The following SORCS2 variants were observed in gnomAD, a reference collection of about 807,000 sequenced individuals.
The protein encoded by SORCS2 is VPS10 domain-containing receptor SorCS2.
A neutral mutation model predicts 141.6 loss-of-function variants in SORCS2; 100 were observed. The observed-to-expected ratio is 0.71, with a 90% CI of 0.60 to 0.83. SORCS2 has a LOEUF of 0.83. Among genes scored for constraint, SORCS2 ranks in the 40% least tolerant of loss-of-function variants. The pLI is 0.00. For missense variants in SORCS2, 1,646 were observed against 1,560.2 expected (o/e 1.05, Z -0.93); for synonymous variants, 789 against 676.9 (o/e 1.17, Z -2.57).
chr4:7,460,366 G>A (rs1486256463), intron 2 of SORCS2, among the ~76,000 whole-genome samples: 1 of 152,158 alleles, frequency 6.6e-6, no homozygotes, highest in Non-Finnish European at 1.5e-5. Flanking sequence ...CAGCTTCCAC[G>A]GGCCCCTGCA....
At chr4:7,220,306 G>A (rs1051848543) in intron 1 of SORCS2, among the ~76,000 whole-genome samples, 6 of 152,138 alleles carry the variant, frequency 3.9e-5, no homozygotes, top group African/African-American at 1.4e-4. Flanking sequence ...TCTAGTGTGT[G>A]GCATGAATTG....
At chr4:7,471,150 T>C (rs1446022026) in intron 2 of SORCS2, among the ~76,000 whole-genome samples, 1 of 152,182 alleles carries the variant, frequency 6.6e-6, no homozygotes, top group Admixed American at 6.5e-5. Flanking sequence ...ACAGATGCGT[T>C]GGGAACAGGT....
rs569916830 is a variant in SORCS2, at chr4:7,571,662, G to A, written c.648+40033G>A. Among the ~76,000 whole-genome samples, 4 of 152,198 alleles carry A rather than the reference G, an allele frequency of 2.6e-5. No homozygotes were observed. In the East Asian group the frequency reaches 5.8e-4, roughly 22 times the overall value. On this transcript the variant is annotated intron_variant, in intron 3 of 26. Transcript: ENST00000507866. ...GAGGGCTGAGGCAGGGACTGGGGCC[G>A]AGAGGGAGGGAGCCCGAAGAAATTG... is the stretch of plus-strand genomic sequence containing the variant.
At chr4:7,554,478 C>T (rs528774059) in intron 3 of SORCS2, among the ~76,000 whole-genome samples, 1 of 152,334 alleles carries the variant, frequency 6.6e-6, no homozygotes, top group African/African-American at 2.4e-5. Flanking sequence ...AGAGGCCCTA[C>T]TCCTGACCAA....
intron 4 of SORCS2, among the ~76,000 whole-genome samples, chr4:7,653,177 C>G (rs1721546437): frequency 6.6e-6 from 1 of 152,208 alleles, no homozygotes; most frequent in South Asian, 2.1e-4. Flanking sequence ...GGAGAGGGAG[C>G]CTGGGCAATC....
At chr4:7,602,788 T>C (rs1041136067) in intron 3 of SORCS2, among the ~76,000 whole-genome samples, 3 of 152,232 alleles carry the variant, frequency 2.0e-5, no homozygotes, top group Admixed American at 2.0e-4. Context: ...ATCTCGGCAC[T>C]TTGGGAGGCC....
chr4:7,433,503 G>A (rs779261879), intron 2 of SORCS2: 22 of 1,602,290 alleles, frequency 1.4e-5, no homozygotes, highest in East Asian at 9.0e-5. Context: ...ACACAGCCAC[G>A]GGGTCCATCA....
At chr4:7,363,101 T>C (rs1721688604) in intron 1 of SORCS2, among the ~76,000 whole-genome samples, 1 of 144,658 alleles carries the variant, frequency 6.9e-6, no homozygotes, top group Non-Finnish European at 1.5e-5. Flanking sequence ...CCATCACCAC[T>C]ACCATCACCA....
chr4:7,363,230 C>G (rs1415220408), intron 1 of SORCS2, among the ~76,000 whole-genome samples: 2 of 148,566 alleles, frequency 1.3e-5, no homozygotes, highest in Non-Finnish European at 2.9e-5. Flanking sequence ...TTACTACCAT[C>G]ATCACCACCA....
At chr4:7,463,825 C>T (rs977901744) in intron 2 of SORCS2, among the ~76,000 whole-genome samples, 8 of 152,142 alleles carry the variant, frequency 5.3e-5, no homozygotes, top group African/African-American at 7.2e-5. Flanking sequence ...TGATGCGTGC[C>T]GGACTGGTGT....
chr4:7,628,277 C>T (rs1719644254), intron 3 of SORCS2, among the ~76,000 whole-genome samples: 1 of 152,140 alleles, frequency 6.6e-6, no homozygotes, highest in African/African-American at 2.4e-5. Context: ...AATCCCAGCA[C>T]CTTCGGAGGC....
intron 1 of SORCS2, among the ~76,000 whole-genome samples, chr4:7,317,796 C>A (rs763847670): frequency 2.6e-5 from 4 of 152,194 alleles, no homozygotes; most frequent in Non-Finnish European, 4.4e-5. Context: ...AAGGGGCTTC[C>A]GACAGTCACA....
intron 8 of SORCS2, among the ~76,000 whole-genome samples, chr4:7,671,568 G>T (rs1020373797): frequency 6.6e-6 from 1 of 152,226 alleles, no homozygotes; most frequent in South Asian, 2.1e-4. Flanking sequence ...TAATTGAAAA[G>T]AAAAATTTAC....
intron 2 of SORCS2, among the ~76,000 whole-genome samples, chr4:7,408,894 C>T (rs1422059368): frequency 6.6e-6 from 1 of 152,154 alleles, no homozygotes; most frequent in Non-Finnish European, 1.5e-5. Flanking sequence ...TGTTGAGAGC[C>T]TCTAGTGAAA....
At chr4:7,475,696 T>C (rs1028439530) in intron 2 of SORCS2, among the ~76,000 whole-genome samples, 3 of 151,980 alleles carry the variant, frequency 2.0e-5, no homozygotes, top group African/African-American at 7.3e-5. Context: ...TGCATGTTCA[T>C]GTTCACACAC....
chr4:7,484,810 A>G (rs1730873286), intron 2 of SORCS2, among the ~76,000 whole-genome samples: 1 of 151,620 alleles, frequency 6.6e-6, no homozygotes, highest in African/African-American at 2.4e-5. Flanking sequence ...TCCTGCACCC[A>G]GCCCCGCTCC....
chr4:7,401,522 G>A (rs1423136081), intron 2 of SORCS2, among the ~76,000 whole-genome samples: 1 of 152,214 alleles, frequency 6.6e-6, no homozygotes, highest in East Asian at 1.9e-4. Flanking sequence ...GAGCAACAGG[G>A]TTCTGCAAGC....
At chr4:7,510,983 C>T (rs902584825) in intron 2 of SORCS2, among the ~76,000 whole-genome samples, 2 of 152,228 alleles carry the variant, frequency 1.3e-5, no homozygotes, top group African/African-American at 4.8e-5. Context: ...ACTAGGTCCC[C>T]TGCTTTCCCT....
At chr4:7,479,563 C>T (rs899343245) in intron 2 of SORCS2, among the ~76,000 whole-genome samples, 14 of 152,316 alleles carry the variant, frequency 9.2e-5, no homozygotes, top group South Asian at 2.1e-4. Flanking sequence ...GAGGGCTCTG[C>T]GCTGGAGCCC....
Sources: allele counts gnomAD v4.1 joint callset (sites outside exome capture counted in the v4.1 genomes callset), GRCh38; gene constraint gnomAD v4.1.1; transcripts MANE v1.5; gene names NCBI Gene and HGNC (gene_info 2026-07-23, HGNC 2026-07-21).